EYS: variants seen among roughly 807,000 people sequenced by gnomAD.
EYS encodes EGF-like photoreceptor maintenance factor, also known as protein eyes shut homolog.
A neutral mutation model predicts 282.1 loss-of-function variants in EYS; 250 were observed. The observed-to-expected ratio is 0.89, with a 90% confidence interval of 0.80 to 0.98. EYS has a LOEUF of 0.98. Ranked by LOEUF, EYS falls within the 50% of genes least tolerant of loss-of-function variation. The pLI, the probability that EYS is intolerant of heterozygous loss-of-function variation, is 0.00. For synonymous variants in EYS, 1,355 were observed against 1,282.9 expected (o/e 1.06, Z -1.20); for missense variants, 4,016 against 3,709.0 (o/e 1.08, Z -2.15).
At chr6:64,130,028 T>C (rs1773917721) in intron 31 of EYS, among the ~76,000 whole-genome samples, 1 of 152,228 alleles carries the variant, frequency 6.6e-6, no homozygotes, top group South Asian at 2.1e-4. Context: ...TTTTGGTTAC[T>C]GTAGCCTTGT....
intron 33 of EYS, among the ~76,000 whole-genome samples, chr6:64,053,957 C>T (rs1268686656): frequency 6.6e-6 from 1 of 152,140 alleles, no homozygotes; most frequent in Non-Finnish European, 1.5e-5. Context: ...ACATACTTAA[C>T]TAATCCCTTT....
At chr6:64,253,723 G>T (rs1324670975) in intron 30 of EYS, among the ~76,000 whole-genome samples, 1 of 151,528 alleles carries the variant, frequency 6.6e-6, no homozygotes, top group Non-Finnish European at 1.5e-5. Context: ...TAAGTTAACT[G>T]GACTGATCAC....
chr6:65,412,086 A>G (rs1283775768), intron 5 of EYS, among the ~76,000 whole-genome samples: 1 of 152,118 alleles, frequency 6.6e-6, no homozygotes, highest in Non-Finnish European at 1.5e-5. Flanking sequence ...ATAATCAGAT[A>G]GCTTGCTATC....
intron 1 of EYS, among the ~76,000 whole-genome samples, chr6:65,699,143 T>G (rs1339080429): frequency 1.3e-5 from 2 of 152,198 alleles, no homozygotes; most frequent in Non-Finnish European, 2.9e-5. Flanking sequence ...TAATTTTAAT[T>G]TATTATCTTC....
intron 26 of EYS, among the ~76,000 whole-genome samples, chr6:64,526,914 G>A (rs1006064430): frequency 1.8e-4 from 28 of 151,694 alleles, no homozygotes; most frequent in Non-Finnish European, 3.4e-4. Context: ...GTTGACTTAC[G>A]TACTGTTAAA....
chr6:64,782,842 G>A (rs1476153348), intron 22 of EYS, among the ~76,000 whole-genome samples: 1 of 152,026 alleles, frequency 6.6e-6, no homozygotes, highest in Non-Finnish European at 1.5e-5. Flanking sequence ...TTCATTTTAG[G>A]GCACTTGTAT....
chr6:64,009,372 C>G (rs1280589584), intron 33 of EYS, among the ~76,000 whole-genome samples: 1 of 151,690 alleles, frequency 6.6e-6, no homozygotes, highest in African/African-American at 2.4e-5. Context: ...CAAGCTCCGC[C>G]CCCCAGGTTC....
chr6:64,877,920 T>A (rs1766799412), intron 19 of EYS, among the ~76,000 whole-genome samples: 1 of 152,144 alleles, frequency 6.6e-6, no homozygotes, highest in African/African-American at 2.4e-5. Context: ...AGAAAATAAA[T>A]GCAGGATAAA....
chr6:65,385,712 T>C (rs1462044556), intron 7 of EYS, among the ~76,000 whole-genome samples: 1 of 151,996 alleles, frequency 6.6e-6, no homozygotes, highest in African/African-American at 2.4e-5. Context: ...TAACTTTAAG[T>C]GCATTATTTT....
chr6:64,497,803 A>C (rs1776935737), intron 26 of EYS, among the ~76,000 whole-genome samples: 1 of 152,188 alleles, frequency 6.6e-6, no homozygotes, highest in African/African-American at 2.4e-5. Flanking sequence ...AGAAATAATA[A>C]ATCTTGGTAA....
intron 28 of EYS, among the ~76,000 whole-genome samples, chr6:64,406,605 C>T (rs1045062126): frequency 6.6e-6 from 1 of 151,868 alleles, no homozygotes; most frequent in Non-Finnish European, 1.5e-5. Flanking sequence ...AGAACTTACA[C>T]ACATTTACAA....
intron 31 of EYS, among the ~76,000 whole-genome samples, chr6:64,151,047 T>C (rs1402069469): frequency 6.6e-6 from 1 of 151,844 alleles, no homozygotes; most frequent in Non-Finnish European, 1.5e-5. Context: ...AATGTTCTTA[T>C]ATGACATATG....
intron 2 of EYS, among the ~76,000 whole-genome samples, chr6:65,585,879 G>A (rs374738): frequency 0.49 from 73,666 of 151,750 alleles, 18,084 homozygotes; most frequent in East Asian, 0.65. Flanking sequence ...TACTCAATAT[G>A]AATTTGCCTG....
At chr6:63,885,252 A>G (rs542362927) in intron 35 of EYS, among the ~76,000 whole-genome samples, 31 of 152,314 alleles carry the variant, frequency 2.0e-4, no homozygotes, top group African/African-American at 7.2e-4. Flanking sequence ...AGTAGGCTAC[A>G]TCTTTTGTCA....
chr6:64,863,150 G>C (rs991734748), intron 19 of EYS, among the ~76,000 whole-genome samples: 1 of 151,946 alleles, frequency 6.6e-6, no homozygotes, highest in African/African-American at 2.4e-5. Flanking sequence ...TTTCTTCTCT[G>C]TCTGCTTTAA....
intron 2 of EYS, among the ~76,000 whole-genome samples, chr6:65,606,088 A>C (rs940599916): frequency 9.9e-5 from 15 of 151,668 alleles, no homozygotes; most frequent in Non-Finnish European, 1.8e-4. Context: ...AATAGTCGCA[A>C]ATTTTTAAAA....
intron 2 of EYS, among the ~76,000 whole-genome samples, chr6:65,558,840 A>G (rs1400003813): frequency 6.6e-6 from 1 of 152,214 alleles, no homozygotes; most frequent in African/African-American, 2.4e-5. Context: ...GGTAAGTTCT[A>G]CACTGTTTTG....
intron 8 of EYS, among the ~76,000 whole-genome samples, chr6:65,376,051 A>G (rs1396082397): frequency 6.6e-6 from 1 of 152,168 alleles, no homozygotes; most frequent in Non-Finnish European, 1.5e-5. Flanking sequence ...CCTTGAGAAT[A>G]GCAACCCCAA....
intron 35 of EYS, among the ~76,000 whole-genome samples, chr6:63,891,867 A>C (rs1452056059): frequency 1.3e-5 from 2 of 152,230 alleles, no homozygotes; most frequent in Non-Finnish European, 2.9e-5. Context: ...TAAGCTGATA[A>C]GCAACTTCAG....
Sources: gnomAD v4.1 joint callset for allele counts (sites outside exome capture counted in the v4.1 genomes callset) on GRCh38, gnomAD v4.1.1 for gene constraint, MANE v1.5 for transcripts, NCBI Gene and HGNC (gene_info 2026-07-23, HGNC 2026-07-21) for gene names.